The following ZNF557 variants were observed in gnomAD, a reference collection of about 807,000 sequenced individuals.
The protein encoded by ZNF557 is CTB-25J19.9.
In ZNF557, 19 loss-of-function variants were observed where a neutral mutation model predicts 21.2. That is an observed-to-expected ratio of 0.90 (90% CI 0.63 to 1.32). ZNF557 has a LOEUF of 1.32. ZNF557 is among the 40% of genes most tolerant of loss of function. The pLI is 0.00. For synonymous variants in ZNF557, 207 were observed against 194.8 expected (o/e 1.06, Z -0.52); for missense variants, 487 against 519.8 (o/e 0.94, Z 0.61).
chr19:7,080,913 A>G (rs970672669), intron 5 of ZNF557, among the ~76,000 whole-genome samples: 3 of 152,058 alleles, frequency 2.0e-5, no homozygotes, highest in African/African-American at 7.2e-5. Context: ...CTTCATAAGC[A>G]CCTCTGTTCC....
intron 5 of ZNF557, among the ~76,000 whole-genome samples, chr19:7,076,839 C>T (rs989659925): frequency 6.6e-6 from 1 of 152,054 alleles, no homozygotes; most frequent in Admixed American, 6.6e-5. Context: ...TGTCTCCCTC[C>T]GTCACCCAGG....
intron 5 of ZNF557, among the ~76,000 whole-genome samples, chr19:7,079,446 T>C (rs183276039): frequency 0.011 from 1,729 of 152,080 alleles, 18 homozygotes; most frequent in Middle Eastern, 0.075. Context: ...TTCACCGTGT[T>C]AGCCAGGATG....
At chr19:7,082,810 A>C in intron 7 of ZNF557, 68 bp from the exon 8 acceptor site, 1 of 1,457,642 alleles carries the variant, frequency 6.9e-7, no homozygotes, top group Non-Finnish European at 9.2e-7. Context: ...GGGAGAGGAA[A>C]TTCCTCTGAC....
intron 5 of ZNF557, among the ~76,000 whole-genome samples, chr19:7,077,592 A>G (rs1977613211): frequency 6.6e-6 from 1 of 152,168 alleles, no homozygotes; most frequent in Non-Finnish European, 1.5e-5. Flanking sequence ...TATTGTGGGT[A>G]GTGCTGCTAT....
intron 2 of ZNF557, among the ~76,000 whole-genome samples, chr19:7,072,835 G>GT (rs1977489811): frequency 6.6e-6 from 1 of 152,204 alleles, no homozygotes; most frequent in Non-Finnish European, 1.5e-5. Context: ...CAGAAAGCCA[G>GT]TTCTTAGATG....
At chr19:7,071,194 A>G (rs1210735756) in intron 2 of ZNF557, among the ~76,000 whole-genome samples, 1 of 152,214 alleles carries the variant, frequency 6.6e-6, no homozygotes, top group African/African-American at 2.4e-5. Flanking sequence ...TGTAAACACT[A>G]TTTAAAAGTT....
chr19:7,077,124 T>TTTCC (rs1977599773), intron 5 of ZNF557, among the ~76,000 whole-genome samples: 1 of 105,586 alleles, frequency 9.5e-6, no homozygotes. Context: ...TAGCATAATG[T>TTTCC]TTTCTTTCTT....
rs1977589970 is a variant in ZNF557 at position 7,076,495 on chromosome 19, C to A, written c.235C>A (p.Leu79Met). 1 of 1,613,962 alleles carries A rather than the reference C, an allele frequency of 6.2e-7. No individual in the cohort carries two copies. The highest frequency in any genetic ancestry group is 1.7e-5 in the Admixed American group (1 of 59,980). ...RDVMLENCRN[L>M]ASLGNQVDKP... ...CGTGATGCTGGAGAACTGCAGGAAC[C>A]TGGCCTCACTGGGTAAGCCTAATGT... The change falls in exon 5 of 8, where the codon CTG becomes ATG. Residue 79 changes from leucine (L) to methionine (M), a missense_variant. Coordinates refer to ENST00000252840, the MANE Select transcript of ZNF557 (RefSeq NM_024341.3).
chr19:7,085,081 T>C lies in ZNF557; in HGVS notation c.*1337T>C, dbSNP rs954794429. On this transcript the variant is annotated 3_prime_UTR_variant, in exon 8 of 8. Coordinates refer to ENST00000252840, the MANE Select transcript of ZNF557 (RefSeq NM_024341.3). The stretch of plus-strand genomic sequence containing the variant: ...GAATATTCTCTCCATTTTTAAGAAG[T>C]GAGATTCATACTAGAAAAACCATTG... 2.6e-5 allele frequency: 4 copies of C among 152,306 alleles called. No individual in the cohort carries two copies. In the East Asian group the frequency reaches 5.8e-4, roughly 22 times the overall value. The allele number at this position is 152,306 out of a possible 1,614,324, so 9.4% of individuals were successfully genotyped here. A position where few individuals can be genotyped will look rare whatever the true frequency, so the allele number is the denominator to read the frequency against.
At chr19:7,075,819 G>A in intron 4 of ZNF557, 76 bp downstream of exon 4, 1 of 1,563,062 alleles carries the variant, frequency 6.4e-7, no homozygotes, top group South Asian at 1.2e-5. Context: ...TCAGTGGCCT[G>A]GAGCCCCACG....
At position 7,083,468 on chromosome 19, in the gene ZNF557, AAGAACTC is replaced by A; in HGVS notation, c.1019_1025del (p.Arg340IlefsTer54). 1 of 1,614,166 alleles carries A rather than the reference AAGAACTC, an allele frequency of 6.2e-7. No individual in the cohort carries two copies. The highest frequency in any genetic ancestry group is 8.5e-7 in the Non-Finnish European group (1 of 1,180,008). On this transcript the variant is annotated frameshift_variant, in exon 8 of 8. Coordinates refer to ENST00000252840, the MANE Select transcript of ZNF557 (RefSeq NM_024341.3). LOFTEE classifies it low-confidence loss of function (END_TRUNC). ...GGAGGTCGAATCTGACACAGCACAT[AAGAACTC>A]ATACTGGAGAAAAACCCTACACATG...
In ZNF557 at chr19:7,083,919, A is replaced by G; in HGVS notation, c.*175A>G. 1 of 656,444 alleles carries G rather than the reference A, an allele frequency of 1.5e-6. No individual in the cohort carries two copies. 40.7% of individuals were successfully genotyped at this position (656,444 alleles called of 1,614,324 possible). A position where few individuals can be genotyped will look rare whatever the true frequency, so the allele number is the denominator to read the frequency against. On this transcript the variant is annotated 3_prime_UTR_variant, in exon 8 of 8. Coordinates refer to ENST00000252840, the MANE Select transcript of ZNF557 (RefSeq NM_024341.3). Reference sequence around the variant, plus strand: ...AAATTTTTGTAGGTCAGGAATTCAGAAACAACATAGCTCTATAGTTCTTCA... The same window carrying G: ...AAATTTTTGTAGGTCAGGAATTCAGGAACAACATAGCTCTATAGTTCTTCA...
At chr19:7,078,818 C>T (rs138233518) in intron 5 of ZNF557, among the ~76,000 whole-genome samples, 1 of 152,180 alleles carries the variant, frequency 6.6e-6, no homozygotes, top group East Asian at 1.9e-4. Context: ...TTGATGGTAT[C>T]TTCTGGGTTT....
chr19:7,087,092 G>A lies in ZNF557; in HGVS notation c.*3348G>A, dbSNP rs181373636. 1.3e-5 allele frequency: 2 copies of A among 151,580 alleles called. No homozygotes were observed. Among genetic ancestry groups the A allele is most frequent in the Admixed American group, 6.6e-5 (1 of 15,176 alleles). The allele number at this position is 151,580 out of a possible 1,614,324, so 9.4% of individuals were successfully genotyped here. ...TAGACAGGCTTTATCCCACTCTGCTGGCTAAAAGAAGTAGGAATAACGCAC... is the reference window on the plus strand; with the variant it reads ...TAGACAGGCTTTATCCCACTCTGCTAGCTAAAAGAAGTAGGAATAACGCAC... On this transcript the variant is annotated 3_prime_UTR_variant, in exon 8 of 8. Coordinates refer to ENST00000252840, the MANE Select transcript of ZNF557 (RefSeq NM_024341.3).
chr19:7,080,493 G>A (rs1977678486), intron 5 of ZNF557, among the ~76,000 whole-genome samples: 1 of 152,162 alleles, frequency 6.6e-6, no homozygotes, highest in Non-Finnish European at 1.5e-5. Context: ...TTCCATAGGT[G>A]TAGCCTCTTC....
chr19:7,086,640 C>T lies in ZNF557; in HGVS notation c.*2896C>T, dbSNP rs8108168. On this transcript the variant is annotated 3_prime_UTR_variant, in exon 8 of 8. Transcript: ENST00000252840. ...CCTCCCAAAGCACTGGGATTACAGGCGTGAGCCACCATGCCCGGCACAAAT... is the reference window on the plus strand; with the variant it reads ...CCTCCCAAAGCACTGGGATTACAGGTGTGAGCCACCATGCCCGGCACAAAT... 0.42 allele frequency: 62,615 copies of T among 149,364 alleles called. 13,207 individuals carry two copies. The highest frequency in any genetic ancestry group is 0.54 in the East Asian group (2,686 of 4,964). The allele number at this position is 149,364 out of a possible 1,614,324, so 9.3% of individuals were successfully genotyped here.
intron 2 of ZNF557, among the ~76,000 whole-genome samples, chr19:7,073,899 A>T (rs10416342): frequency 6.6e-6 from 1 of 151,982 alleles, no homozygotes; most frequent in Non-Finnish European, 1.5e-5. Flanking sequence ...TCCACCCTCT[A>T]CAGCTCTGTT....
chr19:7,076,237 C>T (rs752001629), intron 4 of ZNF557, 144 bp from the exon 5 acceptor site: 67 of 1,551,490 alleles, frequency 4.3e-5, no homozygotes, highest in Non-Finnish European at 5.4e-5. Flanking sequence ...GAGAAGAGCT[C>T]AGAACCTCAG....
chr19:7,072,460 C>T (rs956703408), intron 2 of ZNF557, among the ~76,000 whole-genome samples: 12 of 152,106 alleles, frequency 7.9e-5, no homozygotes, highest in Admixed American at 7.9e-4. Context: ...TTTAGTCACT[C>T]GCCTGCCTGA....
Sources: gnomAD v4.1 joint callset for allele counts (sites outside exome capture counted in the v4.1 genomes callset) on GRCh38, gnomAD v4.1.1 for gene constraint, MANE v1.5 for transcripts, NCBI Gene and HGNC (gene_info 2026-07-23, HGNC 2026-07-21) for gene names.